CYP7B1: variants seen among roughly 807,000 people sequenced by gnomAD.
CYP7B1 encodes the protein cytochrome P450 7B1.
Under a neutral mutation model 42.7 loss-of-function variants are expected in CYP7B1, and 29 were observed. That is an observed-to-expected ratio of 0.68 (90% CI 0.51 to 0.93). CYP7B1 has a LOEUF of 0.93. Ranked by LOEUF, CYP7B1 falls within the 40% of genes least tolerant of loss-of-function variation. CYP7B1 has a pLI of 0.00. For missense variants in CYP7B1, 655 were observed against 600.5 expected (o/e 1.09, Z -0.95); for synonymous variants, 235 against 218.2 (o/e 1.08, Z -0.68).
intron 4 of CYP7B1, among the ~76,000 whole-genome samples, chr8:64,611,164 A>T (rs1246764548): frequency 2.0e-5 from 3 of 152,076 alleles, no homozygotes; most frequent in Non-Finnish European, 2.9e-5. Context: ...CTCAGCTGGG[A>T]TAATGAAAAA....
chr8:64,791,274 G>A (rs1316480816), intron 1 of CYP7B1, among the ~76,000 whole-genome samples: 1 of 152,128 alleles, frequency 6.6e-6, no homozygotes, highest in East Asian at 1.9e-4. Context: ...GGTCATTATT[G>A]ATATCAAAAG....
At chr8:64,686,746 A>T (rs1806657190) in intron 1 of CYP7B1, among the ~76,000 whole-genome samples, 1 of 76,846 alleles carries the variant, frequency 1.3e-5, no homozygotes, top group Non-Finnish European at 2.6e-5. Flanking sequence ...GTGTAGAAAG[A>T]AGTAGACATG....
At chr8:64,732,270 C>T (rs886451030) in intron 1 of CYP7B1, among the ~76,000 whole-genome samples, 1 of 152,178 alleles carries the variant, frequency 6.6e-6, no homozygotes, top group African/African-American at 2.4e-5. Flanking sequence ...CTGCCCAAAG[C>T]CATGGAAGCC....
chr8:64,665,558 GGTTTTTT>G (rs1806262956), intron 1 of CYP7B1, among the ~76,000 whole-genome samples: 11 of 74,772 alleles, frequency 1.5e-4, no homozygotes, highest in Admixed American at 3.2e-4. Flanking sequence ...TTTTTTTGGT[GGTTTTTT>G]TTTTTTTTTT....
Position 64,616,149 on chromosome 8 carries a change from T to A in CYP7B1, c.392A>T (p.Asn131Ile). ...KAFSISQLQK[N>I]HDMNDELHLC... ...GTGAAGCTCATCATTCATGTCATGA[T>A]TTTTTTGCAACTGACTGATGCTAAA... Residue 131 changes from asparagine to isoleucine, a missense_variant, in exon 3 of 6, where the codon AAT becomes ATT. Asn to Ile is a moderately radical substitution (Grantham distance 149). Coordinates refer to ENST00000310193, the MANE Select transcript of CYP7B1 (RefSeq NM_004820.5). 6 of 1,613,498 alleles carry A rather than the reference T, an allele frequency of 3.7e-6. No individual in the cohort carries two copies. The highest frequency in any genetic ancestry group is 2.2e-5 in the East Asian group (1 of 44,852).
At chr8:64,671,104 A>C (rs767371595) in intron 1 of CYP7B1, among the ~76,000 whole-genome samples, 108 of 152,256 alleles carry the variant, frequency 7.1e-4, no homozygotes, top group Non-Finnish European at 1.4e-3. Flanking sequence ...GTATATATAA[A>C]ATAAGTGCAG....
intron 1 of CYP7B1, among the ~76,000 whole-genome samples, chr8:64,727,702 C>T (rs1216557590): frequency 6.6e-6 from 1 of 152,080 alleles, no homozygotes; most frequent in Admixed American, 6.6e-5. Context: ...GAAAGCCCAA[C>T]GAGAACAATC....
At chr8:64,790,484 T>A (rs1485988540) in intron 1 of CYP7B1, among the ~76,000 whole-genome samples, 1 of 152,204 alleles carries the variant, frequency 6.6e-6, no homozygotes, top group Non-Finnish European at 1.5e-5. Context: ...GATCAATGTG[T>A]TTTAGTAGGA....
chr8:64,657,078 AAAAC>A (rs1806131431), intron 1 of CYP7B1, among the ~76,000 whole-genome samples: 1 of 152,210 alleles, frequency 6.6e-6, no homozygotes, highest in Non-Finnish European at 1.5e-5. Flanking sequence ...AGCAGTGTGA[AAAAC>A]AAAAGCAAAG....
In CYP7B1 at chr8:64,595,125, T is replaced by C. The variant is rs1163554490; in HGVS notation, c.*1517A>G. On this transcript the variant is annotated 3_prime_UTR_variant, in exon 6 of 6. Coordinates refer to ENST00000310193, the MANE Select transcript of CYP7B1 (RefSeq NM_004820.5). Reference sequence around the variant, plus strand: ...CTTCAAAGTGCTGTGAGGAAATAACTGTCAATCTAGATTTGTGCATCCAGC... The same window carrying C: ...CTTCAAAGTGCTGTGAGGAAATAACCGTCAATCTAGATTTGTGCATCCAGC... 2.0e-5 allele frequency among the ~76,000 whole-genome samples: 3 copies of C among 152,198 alleles called. No individual in the cohort carries two copies. The East Asian group carries it at 5.8e-4, about 29-fold the overall frequency.
chr8:64,654,179 G>A (rs768382963), intron 1 of CYP7B1, among the ~76,000 whole-genome samples: 15 of 152,096 alleles, frequency 9.9e-5, no homozygotes, highest in Non-Finnish European at 1.6e-4. Flanking sequence ...AGAGTAATCA[G>A]ACAAGGAAAA....
intron 1 of CYP7B1, among the ~76,000 whole-genome samples, chr8:64,644,832 C>A (rs1181540096): frequency 6.6e-6 from 1 of 151,674 alleles, no homozygotes; most frequent in Non-Finnish European, 1.5e-5. Flanking sequence ...CATATGTATA[C>A]ATGTGCCATG....
At chr8:64,660,233 C>CAT (rs2129631403) in intron 1 of CYP7B1, among the ~76,000 whole-genome samples, 1 of 152,250 alleles carries the variant, frequency 6.6e-6, no homozygotes, top group African/African-American at 2.4e-5. Flanking sequence ...GCAGGGTTTT[C>CAT]ATATATACAT....
intron 1 of CYP7B1, among the ~76,000 whole-genome samples, chr8:64,707,208 T>C (rs1018649744): frequency 6.6e-6 from 1 of 152,072 alleles, no homozygotes; most frequent in South Asian, 2.1e-4. Context: ...AGTTTGAAGG[T>C]ACCTAGAGGC....
chr8:64,756,191 G>A (rs1156707745), intron 1 of CYP7B1, among the ~76,000 whole-genome samples: 3 of 152,044 alleles, frequency 2.0e-5, no homozygotes, highest in South Asian at 2.1e-4. Context: ...GTCCTTAATG[G>A]AATGAACTCT....
At chr8:64,769,442 T>G (rs1804179581) in intron 1 of CYP7B1, among the ~76,000 whole-genome samples, 1 of 152,172 alleles carries the variant, frequency 6.6e-6, no homozygotes, top group African/African-American at 2.4e-5. Flanking sequence ...CTATAAAAGT[T>G]GAGAGCCCAA....
chr8:64,779,737 G>T (rs1258114754), intron 1 of CYP7B1, among the ~76,000 whole-genome samples: 1 of 152,090 alleles, frequency 6.6e-6, no homozygotes, highest in Non-Finnish European at 1.5e-5. Context: ...TCTTTTAAAT[G>T]GTTTATGAGC....
chr8:64,639,434 C>T (rs1414625143), intron 1 of CYP7B1, among the ~76,000 whole-genome samples: 1 of 151,972 alleles, frequency 6.6e-6, no homozygotes, highest in Non-Finnish European at 1.5e-5. Context: ...GACAAACAAT[C>T]TGATTTAAAA....
At chr8:64,787,599 A>G (rs4134342) in intron 1 of CYP7B1, among the ~76,000 whole-genome samples, 40,935 of 152,126 alleles carry the variant, frequency 0.27, 6,795 homozygotes, top group African/African-American at 0.47. Context: ...CAAGTCTCTA[A>G]GAAGTTCCAA....
Sources: allele counts gnomAD v4.1 joint callset (sites outside exome capture counted in the v4.1 genomes callset), GRCh38; gene constraint gnomAD v4.1.1; transcripts MANE v1.5; gene names NCBI Gene and HGNC (gene_info 2026-07-23, HGNC 2026-07-21).